Variants in CFTR observed in about 807,000 individuals in gnomAD.
CFTR encodes cystic fibrosis transmembrane conductance regulator.
Under a neutral mutation model 171.6 loss-of-function variants are expected in CFTR, and 181 were observed. The observed-to-expected ratio is 1.05, with a 90% CI of 0.93 to 1.19. CFTR has a LOEUF of 1.19. Among genes scored for constraint, CFTR ranks in the 50% most tolerant of loss-of-function variants. The pLI, the probability that CFTR is intolerant of heterozygous loss-of-function variation, is 0.00. For synonymous variants in CFTR, 583 were observed against 608.0 expected (o/e 0.96, Z 0.60); for missense variants, 1,968 against 1,734.7 (o/e 1.13, Z -2.39).
At chr7:117,632,868 G>A (rs1792770277) in intron 22 of CFTR, among the ~76,000 whole-genome samples, 1 of 152,180 alleles carries the variant, frequency 6.6e-6, no homozygotes, top group African/African-American at 2.4e-5. Context: ...CACAGAGTTG[G>A]GAAACTGAAG....
At chr7:117,621,654 A>G (rs1792583007) in intron 21 of CFTR, among the ~76,000 whole-genome samples, 1 of 152,238 alleles carries the variant, frequency 6.6e-6, no homozygotes, top group South Asian at 2.1e-4. Flanking sequence ...TTGCAAAATT[A>G]AGATGCTTAG....
intron 10 of CFTR, 152 bp from the exon 11 acceptor site, chr7:117,559,312 A>C: frequency 1.5e-6 from 1 of 664,378 alleles, no homozygotes; most frequent in South Asian, 1.7e-5. Context: ...AGAGTACCTG[A>C]AACAGGAAGT....
chr7:117,566,248 A>ACACAC (rs1791599949), intron 11 of CFTR, among the ~76,000 whole-genome samples: 1 of 138,784 alleles, frequency 7.2e-6, no homozygotes, highest in Non-Finnish European at 1.6e-5. Context: ...AGCCTACTAA[A>ACACAC]ACACACACAC....
rs978215914 is a variant in CFTR, at chr7:117,535,271, G to A, written c.603G>A (p.Val201=). 2 of 1,613,994 alleles carry A rather than the reference G, an allele frequency of 1.2e-6. No individual in the cohort carries two copies. The highest frequency in any genetic ancestry group is 2.7e-5 in the African/African-American group (2 of 74,914). The change falls in exon 6 of 27, where the codon GTG becomes GTA. Residue 201 remains valine (V), a synonymous_variant. Coordinates refer to ENST00000003084, the MANE Select transcript of CFTR (RefSeq NM_000492.4). The part of the protein sequence containing the change: ...FDEGLALAHF[V]WIAPLQVALL... ...AGGGACTTGCATTGGCACATTTCGT[G>A]TGGATCGCTCCTTTGCAAGTGGCAC...
intron 20 of CFTR, among the ~76,000 whole-genome samples, chr7:117,614,076 G>T (rs1373569890): frequency 1.8e-5 from 2 of 113,490 alleles, no homozygotes; most frequent in Non-Finnish European, 3.3e-5. Context: ...TTAGTTTTCT[G>T]ACTGTCCGGT....
At chr7:117,649,497 G>A (rs1051886572) in intron 23 of CFTR, among the ~76,000 whole-genome samples, 13 of 139,368 alleles carry the variant, frequency 9.3e-5, no homozygotes, top group East Asian at 6.3e-4. Context: ...GTGTGTGTGT[G>A]TATATATATA....
chr7:117,615,628 T>C (rs1792474259), intron 21 of CFTR, among the ~76,000 whole-genome samples: 1 of 151,850 alleles, frequency 6.6e-6, no homozygotes. Context: ...ACATTTTAGT[T>C]GTGTTATTTC....
chr7:117,642,713 C>G, intron 23 of CFTR, 120 bp downstream of exon 23: 1 of 1,082,014 alleles, frequency 9.2e-7, no homozygotes, highest in Admixed American at 2.1e-5. Flanking sequence ...GCATTGCTGT[C>G]TTTTTTCTCC....
At chr7:117,632,286 C>T (rs965056093) in intron 22 of CFTR, among the ~76,000 whole-genome samples, 4 of 152,006 alleles carry the variant, frequency 2.6e-5, no homozygotes, top group South Asian at 2.1e-4. Flanking sequence ...CCATTAGGGC[C>T]GGGTGTGGTG....
At chr7:117,572,742 T>C (rs1791713705) in intron 11 of CFTR, among the ~76,000 whole-genome samples, 1 of 152,174 alleles carries the variant, frequency 6.6e-6, no homozygotes, top group African/African-American at 2.4e-5. Context: ...AAGTGCTTAG[T>C]AATTATCAAA....
intron 1 of CFTR, among the ~76,000 whole-genome samples, chr7:117,500,444 G>A (rs1264792389): frequency 2.0e-5 from 3 of 151,744 alleles, no homozygotes; most frequent in South Asian, 4.2e-4. Context: ...GTGCCCCCAT[G>A]CCTGGCTAAT....
At chr7:117,639,122 T>A (rs893200395) in intron 22 of CFTR, among the ~76,000 whole-genome samples, 5 of 152,154 alleles carry the variant, frequency 3.3e-5, no homozygotes, top group African/African-American at 9.7e-5. Context: ...TGCAGAAAAA[T>A]TATTCAGTCT....
chr7:117,492,329 A>G (rs1223692694), intron 1 of CFTR, among the ~76,000 whole-genome samples: 2 of 152,022 alleles, frequency 1.3e-5, no homozygotes, highest in African/African-American at 4.8e-5. Flanking sequence ...TGCATTTACT[A>G]TAGAATTGAA....
intron 7 of CFTR, among the ~76,000 whole-genome samples, chr7:117,538,570 C>T (rs905448853): frequency 5.3e-5 from 8 of 151,974 alleles, no homozygotes; most frequent in African/African-American, 1.9e-4. Context: ...TTATAAATAC[C>T]AGCCTAGTCC....
chr7:117,525,978 C>G (rs1465054475), intron 3 of CFTR, among the ~76,000 whole-genome samples: 1 of 146,372 alleles, frequency 6.8e-6, no homozygotes, highest in Non-Finnish European at 1.5e-5. Context: ...TTCCTAGTCT[C>G]GATGGTCTTT....
At chr7:117,611,847 A>G in intron 20 of CFTR, 39 bp downstream of exon 20, 2 of 1,454,986 alleles carry the variant, frequency 1.4e-6, no homozygotes, top group Non-Finnish European at 9.6e-7. Flanking sequence ...GCATTTAAGT[A>G]AAAAATTTTC....
Position 117,637,029 on chromosome 7 carries a change from C to T in CFTR, c.3718-5409C>T, listed in dbSNP as rs572208609. On this transcript the variant is annotated intron_variant, in intron 22 of 26. Transcript: ENST00000003084. The stretch of plus-strand genomic sequence containing the variant: ...ATGGGGTTTTATCATGTTGGCCAGG[C>T]GGGTCTTGAACTCCTAACCTCAAGT... 4.1e-4 allele frequency among the ~76,000 whole-genome samples: 63 copies of T among 151,930 alleles called. 1 individual carries two copies. The highest frequency in any genetic ancestry group is 1.0e-3 in the African/African-American group (43 of 41,410).
intron 15 of CFTR, among the ~76,000 whole-genome samples, chr7:117,598,737 G>A (rs906783714): frequency 1.1e-4 from 17 of 152,144 alleles, no homozygotes; most frequent in African/African-American, 3.9e-4. Flanking sequence ...TCTGGACTCC[G>A]ACTACTCAGG....
At chr7:117,494,670 G>T (rs1798210940) in intron 1 of CFTR, among the ~76,000 whole-genome samples, 1 of 152,088 alleles carries the variant, frequency 6.6e-6, no homozygotes, top group African/African-American at 2.4e-5. Flanking sequence ...AACAAGCTAG[G>T]TGAACAAAGA....
Sources: allele counts gnomAD v4.1 joint callset (sites outside exome capture counted in the v4.1 genomes callset), GRCh38; gene constraint gnomAD v4.1.1; transcripts MANE v1.5; gene names NCBI Gene and HGNC (gene_info 2026-07-23, HGNC 2026-07-21).